The following MGA variants were observed in gnomAD, a reference collection of about 807,000 sequenced individuals.
MGA encodes MAX dimerization protein MGA.
MGA carries 40 observed loss-of-function variants against 261.1 expected under a neutral mutation model. The ratio of observed to expected loss-of-function variants is 0.15; its 90% confidence interval spans 0.12 to 0.20. MGA has a LOEUF of 0.20. MGA is among the 10% of genes least tolerant of loss of function. The pLI is 1.00. For synonymous variants in MGA, 1,302 were observed against 1,290.6 expected (o/e 1.01, Z -0.19); for missense variants, 3,397 against 3,630.5 (o/e 0.94, Z 1.65).
chr15:41,744,311 C>G (rs535179873), intron 15 of MGA, among the ~76,000 whole-genome samples: 4 of 152,216 alleles, frequency 2.6e-5, no homozygotes, highest in East Asian at 3.9e-4. Context: ...TCACATGATT[C>G]TCCTGCCTCA....
At chr15:41,721,799 A>G (rs1354132578) in intron 9 of MGA, among the ~76,000 whole-genome samples, 1 of 152,232 alleles carries the variant, frequency 6.6e-6, no homozygotes, top group African/African-American at 2.4e-5. Flanking sequence ...ATAGTTGGGC[A>G]GTATCTACTG....
At chr15:41,686,093 TTA>T (rs1374139578) in intron 2 of MGA, among the ~76,000 whole-genome samples, 2 of 152,160 alleles carry the variant, frequency 1.3e-5, no homozygotes, top group Non-Finnish European at 2.9e-5. Flanking sequence ...ATAGAGTCCT[TTA>T]GAAATTTTCT....
intron 17 of MGA, 118 bp downstream of exon 17, chr15:41,750,733 A>C: frequency 1.1e-6 from 1 of 930,520 alleles, no homozygotes; most frequent in African/African-American, 1.7e-5. Flanking sequence ...GCCTAGGTTT[A>C]AGATTATGAC....
intron 9 of MGA, 118 bp downstream of exon 9, chr15:41,713,614 T>G (rs2060486240): frequency 4.1e-6 from 5 of 1,210,658 alleles, no homozygotes; most frequent in Non-Finnish European, 5.6e-6. Flanking sequence ...GCTTTGAGAC[T>G]TCTTATTATC....
intron 2 of MGA, among the ~76,000 whole-genome samples, chr15:41,676,414 C>G (rs556998118): frequency 9.9e-5 from 15 of 152,256 alleles, no homozygotes; most frequent in African/African-American, 3.4e-4. Flanking sequence ...TTGGCCTCCC[C>G]AAGTGCCGGG....
At chr15:41,737,383 G>T (rs1212013992) in intron 13 of MGA, among the ~76,000 whole-genome samples, 1 of 151,038 alleles carries the variant, frequency 6.6e-6, no homozygotes, top group African/African-American at 2.4e-5. Context: ...TCGAACTTCT[G>T]AGCTCAGGTG....
chr15:41,762,997 A>T (rs1364276485), intron 22 of MGA, among the ~76,000 whole-genome samples: 1 of 148,372 alleles, frequency 6.7e-6, no homozygotes, highest in African/African-American at 2.5e-5. Context: ...AGTTCTACTG[A>T]TGGGTTTAAG....
chr15:41,750,899 G>T (rs1355955825), intron 17 of MGA: 1 of 261,146 alleles, frequency 3.8e-6, no homozygotes, highest in Middle Eastern at 1.3e-3. Context: ...TTAAAATCCC[G>T]AAACCACTAC....
At chr15:41,765,585 A>G (rs962982371) in intron 23 of MGA, among the ~76,000 whole-genome samples, 1 of 152,204 alleles carries the variant, frequency 6.6e-6, no homozygotes, top group Non-Finnish European at 1.5e-5. Context: ...ATTGCCAGCC[A>G]AAATTCCTTG....
Position 41,743,146 on chromosome 15 carries a change from G to A in MGA, c.5186G>A (p.Gly1729Glu). The change falls in exon 15 of 24, where the codon GGG becomes GAG. Residue 1729 changes from glycine (G) to glutamate (E), a missense_variant. Physicochemically the swap from Gly to Glu is moderately conservative, Grantham distance 98 (BLOSUM62 -2). Coordinates refer to ENST00000219905, the MANE Select transcript of MGA (RefSeq NM_001164273.2). ...CCTATTATACTCTCAGGAATTAATG[G>A]GAGTCCACCAGTGAGCCAGAGACCA... The A allele has an allele frequency of 1.9e-6, 3 of 1,611,448 alleles. No individual in the cohort carries two copies. The highest frequency in any genetic ancestry group is 2.5e-6 in the Non-Finnish European group (3 of 1,178,502).
chr15:41,740,238 T>C (rs1272936250), intron 14 of MGA, 35 bp downstream of exon 14: 1 of 1,602,938 alleles, frequency 6.2e-7, no homozygotes, highest in Admixed American at 1.7e-5. Context: ...TGGAAAGGCC[T>C]ATGACTTGGT....
chr15:41,635,085 G>T (rs752383947), intron 1 of MGA, among the ~76,000 whole-genome samples: 3 of 152,154 alleles, frequency 2.0e-5, no homozygotes, highest in Non-Finnish European at 4.4e-5. Flanking sequence ...TGTAATCCCA[G>T]CACCTAGGGA....
chr15:41,686,025 A>G (rs2058943839), intron 2 of MGA, among the ~76,000 whole-genome samples: 1 of 149,326 alleles, frequency 6.7e-6, no homozygotes, highest in Non-Finnish European at 1.5e-5. Flanking sequence ...AAAAATAATA[A>G]TAATAATTTC....
chr15:41,680,945 AG>A, intron 2 of MGA, among the ~76,000 whole-genome samples: 1 of 152,154 alleles, frequency 6.6e-6, no homozygotes, highest in Non-Finnish European at 1.5e-5. Context: ...TTTGGAGACC[AG>A]TGCCATCCTG....
In MGA at chr15:41,750,429, A is replaced by G. The variant is rs1207791140; in HGVS notation, c.6822A>G (p.Leu2274=). Residue 2274 remains leucine (L), a synonymous_variant, in exon 17 of 24, where the codon TTA becomes TTG. Coordinates refer to ENST00000219905, the MANE Select transcript of MGA (RefSeq NM_001164273.2). ...GGAATGGACATTTTCAGGGTCACTT[A>G]CTGCTACCTGGAGAACAGATACAAC... The G allele has an allele frequency of 6.2e-7, 1 of 1,613,602 alleles. No individual in the cohort carries two copies. Among genetic ancestry groups the G allele is most frequent in the Non-Finnish European group, 8.5e-7 (1 of 1,179,520 alleles).
At position 41,725,651 on chromosome 15, in the gene MGA, C is replaced by T. The variant is rs1383915275; in HGVS notation, c.3431-1529C>T. Reference sequence around the variant, plus strand: ...GATCGAGACCATCCCGGCTAAAAAACGGTGAAACCCCGTCTCTACTAAAAA... The same window carrying T: ...GATCGAGACCATCCCGGCTAAAAAATGGTGAAACCCCGTCTCTACTAAAAA... On this transcript the variant is annotated intron_variant, in intron 9 of 23. Transcript: ENST00000219905. 4.0e-4 allele frequency among the ~76,000 whole-genome samples: 6 copies of T among 14,932 alleles called. 3 individuals are homozygous for T. The Admixed American group carries it at 5.6e-3, about 14-fold the overall frequency. 9.8% of individuals were successfully genotyped at this position (14,932 alleles called of 152,430 possible).
At chr15:41,644,683 C>T (rs1418118542) in intron 1 of MGA, among the ~76,000 whole-genome samples, 2 of 151,950 alleles carry the variant, frequency 1.3e-5, no homozygotes, top group Non-Finnish European at 2.9e-5. Context: ...AAAATATTAC[C>T]ATTCAAAGTG....
intron 17 of MGA, chr15:41,752,179 C>G (rs912812694): frequency 6.6e-6 from 1 of 152,110 alleles, no homozygotes; most frequent in African/African-American, 2.4e-5. Context: ...ATTACAGGAG[C>G]CTGCCACCGC....
intron 1 of MGA, among the ~76,000 whole-genome samples, chr15:41,665,956 C>T (rs966429575): frequency 5.3e-5 from 8 of 151,826 alleles, no homozygotes; most frequent in African/African-American, 1.9e-4. Flanking sequence ...CACTCTGTCT[C>T]CTAGGCTGGA....
Sources: allele counts gnomAD v4.1 joint callset (sites outside exome capture counted in the v4.1 genomes callset), GRCh38; gene constraint gnomAD v4.1.1; transcripts MANE v1.5; gene names NCBI Gene and HGNC (gene_info 2026-07-23, HGNC 2026-07-21).